The following MAP2 variants were observed in gnomAD, a reference collection of about 807,000 sequenced individuals.
MAP2 encodes the protein microtubule associated protein 2, also known as microtubule-associated protein 2.
A neutral mutation model predicts 137.6 loss-of-function variants in MAP2; 14 were observed. The observed-to-expected ratio is 0.10, with a 90% confidence interval of 0.07 to 0.16. The LOEUF (loss-of-function observed/expected upper bound fraction) is 0.16. Among genes scored for constraint, MAP2 ranks in the 10% least tolerant of loss-of-function variants. MAP2 has a pLI of 1.00. For missense variants in MAP2, 2,088 were observed against 2,191.5 expected (o/e 0.95, Z 0.94); for synonymous variants, 786 against 782.3 (o/e 1.00, Z -0.08).
intron 4 of MAP2, among the ~76,000 whole-genome samples, chr2:209,651,037 T>G (rs2094757644): frequency 6.6e-6 from 1 of 152,170 alleles, no homozygotes; most frequent in South Asian, 2.1e-4. Context: ...AATGTTGTGA[T>G]CCAAAAGTTC....
chr2:209,509,336 G>A (rs1404995564), intron 2 of MAP2, among the ~76,000 whole-genome samples: 1 of 151,814 alleles, frequency 6.6e-6, no homozygotes, highest in African/African-American at 2.4e-5. Context: ...TACGAAAATC[G>A]AGTGTGTTTG....
intron 1 of MAP2, among the ~76,000 whole-genome samples, chr2:209,458,116 A>G (rs1025144098): frequency 6.6e-6 from 1 of 152,180 alleles, no homozygotes; most frequent in Admixed American, 6.5e-5. Context: ...TGCTGCTAAA[A>G]TGCCAGAAAT....
intron 3 of MAP2, among the ~76,000 whole-genome samples, chr2:209,608,724 T>A (rs1354850457): frequency 6.6e-6 from 1 of 152,144 alleles, no homozygotes; most frequent in Non-Finnish European, 1.5e-5. Flanking sequence ...TTCTTCTGTA[T>A]GCTGAAATAA....
chr2:209,553,348 C>T (rs755654403), intron 2 of MAP2, among the ~76,000 whole-genome samples: 3 of 152,004 alleles, frequency 2.0e-5, no homozygotes, highest in East Asian at 3.9e-4. Flanking sequence ...TATGGTACAG[C>T]GAGAAGAGCC....
chr2:209,644,582 C>A (rs540402846), intron 4 of MAP2, among the ~76,000 whole-genome samples: 1 of 146,092 alleles, frequency 6.8e-6, no homozygotes, highest in South Asian at 2.2e-4. Flanking sequence ...ACATTGAATA[C>A]ATATTTGAAA....
chr2:209,602,667 C>T (rs1240715066), intron 3 of MAP2, among the ~76,000 whole-genome samples: 4 of 152,226 alleles, frequency 2.6e-5, no homozygotes, highest in Non-Finnish European at 5.9e-5. Flanking sequence ...GAGGAGCCAG[C>T]TCTCCTGACA....
intron 12 of MAP2, 80 bp from the exon 13 acceptor site, chr2:209,709,834 C>T (rs551155217): frequency 3.5e-5 from 35 of 1,010,958 alleles, no homozygotes; most frequent in Non-Finnish European, 4.9e-5. Flanking sequence ...ATTATGACTT[C>T]TAACAATCTA....
At chr2:209,497,158 T>C (rs1021452094) in intron 1 of MAP2, among the ~76,000 whole-genome samples, 1 of 152,082 alleles carries the variant, frequency 6.6e-6, no homozygotes, top group Non-Finnish European at 1.5e-5. Flanking sequence ...TATGTTGAAG[T>C]TCTAAGTGCC....
At chr2:209,562,661 C>T (rs1449017309) in intron 2 of MAP2, among the ~76,000 whole-genome samples, 1 of 151,926 alleles carries the variant, frequency 6.6e-6, no homozygotes, top group Non-Finnish European at 1.5e-5. Flanking sequence ...TGCGCCACCA[C>T]ACCCCAGCCT....
chr2:209,476,953 A>G (rs541364071), intron 1 of MAP2, among the ~76,000 whole-genome samples: 1 of 152,310 alleles, frequency 6.6e-6, no homozygotes, highest in Non-Finnish European at 1.5e-5. Flanking sequence ...CAAAACCTTC[A>G]TCACAAAGAT....
At position 209,706,088 on chromosome 2, in the gene MAP2, A is replaced by T. The variant is rs562578077; in HGVS notation, c.4732+361A>T. On this transcript the variant is annotated intron_variant, in intron 12 of 15. Coordinates refer to ENST00000682079, the MANE Select transcript of MAP2 (RefSeq NM_001375505.1). ...AAAAACATACATCTATAAAAGCTTA[A>T]CACTTATTAGATTTCCAAGTTGTAA... 2.0e-5 allele frequency among the ~76,000 whole-genome samples: 3 copies of T among 152,296 alleles called. No individual in the cohort carries two copies. The South Asian group carries it at 6.2e-4, about 32-fold the overall frequency.
At chr2:209,450,899 G>C (rs1436036142) in intron 1 of MAP2, among the ~76,000 whole-genome samples, 1 of 152,094 alleles carries the variant, frequency 6.6e-6, no homozygotes, top group African/African-American at 2.4e-5. Flanking sequence ...AGCTACTGCA[G>C]AATTGTAATT....
At chr2:209,463,783 T>A (rs1703455582) in intron 1 of MAP2, among the ~76,000 whole-genome samples, 1 of 152,190 alleles carries the variant, frequency 6.6e-6, no homozygotes, top group Admixed American at 6.5e-5. Flanking sequence ...CACTTTCTTT[T>A]TTATCTTTGT....
At chr2:209,506,484 A>G (rs1417971333) in intron 1 of MAP2, among the ~76,000 whole-genome samples, 2 of 152,120 alleles carry the variant, frequency 1.3e-5, no homozygotes, top group African/African-American at 4.8e-5. Flanking sequence ...TACTTCTAGA[A>G]CCTAACTTGC....
At chr2:209,698,630 G>C (rs909191794) in intron 10 of MAP2, among the ~76,000 whole-genome samples, 1 of 152,100 alleles carries the variant, frequency 6.6e-6, no homozygotes, top group African/African-American at 2.4e-5. Context: ...AGAATCTAAG[G>C]CAGGATTTGA....
In MAP2 at chr2:209,722,674, A is replaced by T. The variant is rs35009092; in HGVS notation, c.5074-3035A>T. 1.2e-3 allele frequency among the ~76,000 whole-genome samples: 176 copies of T among 152,322 alleles called. 1 individual carries two copies. Among genetic ancestry groups the T allele is most frequent in the Non-Finnish European group, 2.0e-3 (136 of 68,024 alleles). ...CTCCAAAAGATGCAAGGTTCAAAAG[A>T]CATATGAAAGAAGTCATGAAAGTTG... On this transcript the variant is annotated intron_variant, in intron 13 of 15. Transcript: ENST00000682079.
chr2:209,681,775 G>A (rs932012559), intron 7 of MAP2, among the ~76,000 whole-genome samples: 3 of 151,862 alleles, frequency 2.0e-5, no homozygotes, highest in Non-Finnish European at 4.4e-5. Flanking sequence ...TAAAAGACTT[G>A]TCTTTTTATC....
At chr2:209,475,106 G>A (rs983303175) in intron 1 of MAP2, among the ~76,000 whole-genome samples, 1 of 151,996 alleles carries the variant, frequency 6.6e-6, no homozygotes, top group Non-Finnish European at 1.5e-5. Flanking sequence ...TTGATTTATA[G>A]TTAGATATCT....
chr2:209,440,588 C>T (rs1697514943), intron 1 of MAP2, among the ~76,000 whole-genome samples: 1 of 151,462 alleles, frequency 6.6e-6, no homozygotes, highest in African/African-American at 2.4e-5. Context: ...CACTTTTACA[C>T]AAATCAGTCA....
Sources: gnomAD v4.1 joint callset for allele counts (sites outside exome capture counted in the v4.1 genomes callset) on GRCh38, gnomAD v4.1.1 for gene constraint, MANE v1.5 for transcripts, NCBI Gene and HGNC (gene_info 2026-07-23, HGNC 2026-07-21) for gene names.